PTGFRN: variants seen among roughly 807,000 people sequenced by gnomAD.
PTGFRN encodes the protein prostaglandin F2 receptor negative regulator.
PTGFRN carries 35 observed loss-of-function variants against 83.2 expected under a neutral mutation model. The observed-to-expected ratio is 0.42, with a 90% CI of 0.32 to 0.56. The LOEUF is 0.56. PTGFRN is among the 20% of genes least tolerant of loss of function. The pLI is 0.11. For synonymous variants in PTGFRN, 519 were observed against 498.6 expected (o/e 1.04, Z -0.55); for missense variants, 1,051 against 1,179.5 (o/e 0.89, Z 1.60).
Position 116,945,091 on chromosome 1 carries a change from A to G in PTGFRN, c.831A>G (p.Ser277=), listed in dbSNP as rs752259586. The G allele has an allele frequency of 1.2e-6, 2 of 1,610,306 alleles. No homozygotes were observed. Among genetic ancestry groups the G allele is most frequent in the Admixed American group, 3.3e-5 (2 of 59,838 alleles). Residue 277 remains serine, a splice_region_variant and synonymous_variant, in exon 3 of 9, where the codon TCA becomes TCG. Coordinates refer to ENST00000393203, the MANE Select transcript of PTGFRN (RefSeq NM_020440.4). ...TTGCCACCGTGGTGATCCAGCCATC[A>G]GGTGAGCTGGAAACGATGCGTTATA... ...VEVATVVIQP[S]VLRAAVPKNV...
At chr1:116,964,074 C>T (rs1389018698) in intron 5 of PTGFRN, among the ~76,000 whole-genome samples, 1 of 129,598 alleles carries the variant, frequency 7.7e-6, no homozygotes, top group Non-Finnish European at 1.7e-5. Flanking sequence ...GCCACCGTGC[C>T]GGGCGCCCCC....
rs752428661 is a variant in PTGFRN, at chr1:116,910,221, G to C, written c.18G>C (p.Ser6=). The C allele has an allele frequency of 2.7e-6, 4 of 1,460,882 alleles. No individual in the cohort carries two copies. Among genetic ancestry groups the C allele is most frequent in the South Asian group, 1.4e-5 (1 of 73,188 alleles). 90.5% of individuals were successfully genotyped at this position (1,460,882 alleles called of 1,614,324 possible). Reference sequence around the variant, plus strand: ...GGGCGAGCATGGGGCGCCTGGCCTCGAGGCCGCTGCTGCTGGCGCTCCTGT... The same window carrying C: ...GGGCGAGCATGGGGCGCCTGGCCTCCAGGCCGCTGCTGCTGGCGCTCCTGT... MGRLA[S]RPLLLALLSL... The change falls in exon 1 of 9, where the codon TCG becomes TCC. Residue 6 remains serine, a synonymous_variant. Coordinates refer to ENST00000393203, the MANE Select transcript of PTGFRN (RefSeq NM_020440.4).
chr1:116,949,637 G>A (rs1455428478), intron 4 of PTGFRN, 65 bp downstream of exon 4: 7 of 1,538,066 alleles, frequency 4.6e-6, no homozygotes, highest in Non-Finnish European at 6.1e-6. Flanking sequence ...TTATCTGAAG[G>A]AGTTATCTCA....
chr1:116,951,635 G>A (rs1404377447), intron 4 of PTGFRN, among the ~76,000 whole-genome samples: 1 of 152,200 alleles, frequency 6.6e-6, no homozygotes, highest in Admixed American at 6.5e-5. Context: ...TAACGAAAGA[G>A]CGAGTAGTAT....
intron 1 of PTGFRN, among the ~76,000 whole-genome samples, chr1:116,924,143 A>G (rs1320806705): frequency 8.6e-6 from 1 of 116,130 alleles, no homozygotes; most frequent in Non-Finnish European, 1.7e-5. Flanking sequence ...CTGTGCATGT[A>G]TTTTTTTTTT....
intron 1 of PTGFRN, among the ~76,000 whole-genome samples, chr1:116,917,666 A>G (rs986783166): frequency 6.6e-6 from 1 of 152,050 alleles, no homozygotes; most frequent in Non-Finnish European, 1.5e-5. Context: ...GTCTCACGCT[A>G]TCACCCTGGC....
At chr1:116,965,637 A>G (rs1054341689) in intron 5 of PTGFRN, among the ~76,000 whole-genome samples, 2 of 151,982 alleles carry the variant, frequency 1.3e-5, no homozygotes, top group African/African-American at 4.8e-5. Flanking sequence ...TGATCACTCT[A>G]TTTACGGTTG....
At chr1:116,985,645 T>C (rs1651449173) in intron 8 of PTGFRN, among the ~76,000 whole-genome samples, 1 of 150,000 alleles carries the variant, frequency 6.7e-6, no homozygotes, top group Non-Finnish European at 1.5e-5. Context: ...GAGGTGGAGG[T>C]TGCAGTGAGC....
intron 3 of PTGFRN, among the ~76,000 whole-genome samples, chr1:116,947,142 G>T (rs1459591932): frequency 1.3e-5 from 2 of 152,174 alleles, no homozygotes; most frequent in African/African-American, 2.4e-5. Context: ...TAGGCTGATG[G>T]TCCTTCTCTT....
At chr1:116,934,779 GTCATCT>G (rs1352999281) in intron 1 of PTGFRN, among the ~76,000 whole-genome samples, 1 of 152,168 alleles carries the variant, frequency 6.6e-6, no homozygotes, top group African/African-American at 2.4e-5. Context: ...TTTGTATGAT[GTCATCT>G]TCTATCTGAG....
intron 4 of PTGFRN, among the ~76,000 whole-genome samples, chr1:116,960,145 T>C (rs1306243089): frequency 6.6e-6 from 1 of 152,158 alleles, no homozygotes; most frequent in East Asian, 1.9e-4. Context: ...CAAAAGTGCA[T>C]AGATGGCTTA....
chr1:116,968,016 A>G (rs1650888359), intron 6 of PTGFRN, among the ~76,000 whole-genome samples: 1 of 152,216 alleles, frequency 6.6e-6, no homozygotes, highest in Non-Finnish European at 1.5e-5. Flanking sequence ...AGAGGAGGGA[A>G]TTGAGCCTCC....
intron 5 of PTGFRN, among the ~76,000 whole-genome samples, chr1:116,963,870 G>T (rs1389959224): frequency 6.6e-6 from 1 of 151,868 alleles, no homozygotes; most frequent in African/African-American, 2.4e-5. Context: ...CTCCTAGGTA[G>T]GTTAAAGTTA....
intron 3 of PTGFRN, among the ~76,000 whole-genome samples, chr1:116,948,080 T>C (rs1650246043): frequency 6.6e-6 from 1 of 152,212 alleles, no homozygotes; most frequent in African/African-American, 2.4e-5. Flanking sequence ...TCCCTGAGCT[T>C]ACTGGGGCCA....
intron 3 of PTGFRN, among the ~76,000 whole-genome samples, chr1:116,946,390 C>T (rs935737107): frequency 3.3e-5 from 5 of 152,138 alleles, no homozygotes; most frequent in African/African-American, 1.2e-4. Flanking sequence ...CCACTGGCTG[C>T]AGAAATCGCT....
chr1:116,933,708 A>G (rs1436641575), intron 1 of PTGFRN, among the ~76,000 whole-genome samples: 1 of 152,168 alleles, frequency 6.6e-6, no homozygotes, highest in East Asian at 1.9e-4. Flanking sequence ...CTCTGTATAG[A>G]ATCCTAGGTT....
rs1300360230 is a variant in PTGFRN, at chr1:116,918,902, G to A, written c.49+8650G>A. ...AGGAAAGATTAGCCAAGGAGTACAC[G>A]TGGGATAGGCAGGTGAGTGGGGCTT... is the stretch of plus-strand genomic sequence containing the variant. On this transcript the variant is annotated intron_variant, in intron 1 of 8. Transcript: ENST00000393203. This position sits in a 1 kb window ranked among gnomAD's most constrained non-coding sequence, Gnocchi z 4.1. Among the ~76,000 whole-genome samples, 2 of 152,200 alleles carry A rather than the reference G, an allele frequency of 1.3e-5. No individual in the cohort carries two copies. Among genetic ancestry groups the A allele is most frequent in the Non-Finnish European group, 2.9e-5 (2 of 68,038 alleles).
At chr1:116,969,036 G>C (rs6691143) in intron 6 of PTGFRN, among the ~76,000 whole-genome samples, 55,761 of 151,372 alleles carry the variant, frequency 0.37, 10,690 homozygotes, top group African/African-American at 0.49. Context: ...GTATCTTCTC[G>C]CATTCTGTGT....
At position 116,932,392 on chromosome 1, in the gene PTGFRN, G is replaced by A. The variant is rs150165637; in HGVS notation, c.50-9323G>A. On this transcript the variant is annotated intron_variant, in intron 1 of 8. Coordinates refer to ENST00000393203, the MANE Select transcript of PTGFRN (RefSeq NM_020440.4). ...TAATTACTTTCTTGAGTATTCCAGA[G>A]GTAGGGAAATGGTAATCGGGAAACA... Among the ~76,000 whole-genome samples the A allele has an allele frequency of 2.7e-3, 404 of 152,290 alleles. 4 individuals carry two copies. The highest frequency in any genetic ancestry group is 9.4e-3 in the African/African-American group (391 of 41,558).
Sources: allele counts gnomAD v4.1 joint callset (sites outside exome capture counted in the v4.1 genomes callset), GRCh38; gene constraint gnomAD v4.1.1; non-coding constraint Gnocchi (gnomAD v3.1); transcripts MANE v1.5; gene names NCBI Gene and HGNC (gene_info 2026-07-23, HGNC 2026-07-21).